Variants in CEP128 observed in about 807,000 individuals in gnomAD.
CEP128 encodes centrosomal protein 128kDa.
CEP128 carries 132 observed loss-of-function variants against 156.7 expected under a neutral mutation model. That is an observed-to-expected ratio of 0.84 (90% CI 0.73 to 0.97). The LOEUF (loss-of-function observed/expected upper bound fraction) is 0.97, where lower values mean the gene tolerates loss of function less well. CEP128 is among the 50% of genes least tolerant of loss of function. The pLI is 0.00. For synonymous variants in CEP128, 469 were observed against 448.9 expected (o/e 1.04, Z -0.57); for missense variants, 1,252 against 1,281.9 (o/e 0.98, Z 0.36).
rs1277559037 is a variant in CEP128 at position 80,906,092 on chromosome 14, G to A, written c.235-11C>T. Reference sequence around the variant, plus strand: ...CAAGCTTTCTTTTAACTAATTTAAAGAATATAATGAATGAAGCGTTATTCT... The same window carrying A: ...CAAGCTTTCTTTTAACTAATTTAAAAAATATAATGAATGAAGCGTTATTCT... On this transcript the variant is annotated splice_polypyrimidine_tract_variant and intron_variant, in intron 4 of 24. Coordinates refer to ENST00000555265, the MANE Select transcript of CEP128 (RefSeq NM_152446.5). 6.4e-7 allele frequency: 1 copy of A among 1,564,742 alleles called. No individual in the cohort carries two copies.
chr14:80,800,953 C>T (rs1883806480), intron 13 of CEP128, among the ~76,000 whole-genome samples: 1 of 152,054 alleles, frequency 6.6e-6, no homozygotes, highest in Non-Finnish European at 1.5e-5. Flanking sequence ...AGAAGGCAAA[C>T]TAAAATGTGA....
intron 8 of CEP128, among the ~76,000 whole-genome samples, chr14:80,890,449 T>TA (rs1272052541): frequency 2.0e-5 from 3 of 152,020 alleles, no homozygotes; most frequent in South Asian, 2.1e-4. Context: ...TCCAGTCATT[T>TA]AAAAAAATGA....
chr14:80,512,116 T>A (rs1430319656), intron 23 of CEP128, among the ~76,000 whole-genome samples: 2 of 152,076 alleles, frequency 1.3e-5, no homozygotes, highest in Non-Finnish European at 1.5e-5. Context: ...TTAAGTCTTA[T>A]GCTTCTTTGT....
intron 6 of CEP128, among the ~76,000 whole-genome samples, chr14:80,901,924 C>T (rs2139428250): frequency 6.6e-6 from 1 of 152,298 alleles, no homozygotes; most frequent in African/African-American, 2.4e-5. Context: ...TGTTACACGG[C>T]TCTACATAAT....
chr14:80,891,922 T>C (rs1181827482), intron 8 of CEP128, among the ~76,000 whole-genome samples: 1 of 151,218 alleles, frequency 6.6e-6, no homozygotes, highest in Non-Finnish European at 1.5e-5. Context: ...GACAAAATAA[T>C]GAAAAAATAA....
intron 13 of CEP128, among the ~76,000 whole-genome samples, chr14:80,814,106 A>G (rs1884712315): frequency 6.6e-6 from 1 of 152,176 alleles, no homozygotes; most frequent in Non-Finnish European, 1.5e-5. Flanking sequence ...GATTCTGCAC[A>G]TTCAAGATGG....
chr14:80,861,482 G>A (rs758225955), intron 9 of CEP128, among the ~76,000 whole-genome samples: 3 of 152,008 alleles, frequency 2.0e-5, no homozygotes, highest in African/African-American at 4.8e-5. Context: ...GATACTATGG[G>A]AAGGACATAA....
intron 19 of CEP128, among the ~76,000 whole-genome samples, chr14:80,625,270 T>G (rs987423066): frequency 6.6e-6 from 1 of 152,190 alleles, no homozygotes; most frequent in Non-Finnish European, 1.5e-5. Flanking sequence ...AATGTGTGAA[T>G]TCATTTCCGG....
At position 80,708,023 on chromosome 14, in the gene CEP128, G is replaced by A. The variant is rs143662514; in HGVS notation, c.2806+35052C>T. ...TTTATCTCATATTATGGTATATCCT[G>A]TAGATTAATGTGCCATTTGATGTAG... On this transcript the variant is annotated intron_variant, in intron 19 of 24. Transcript: ENST00000555265. 4.4e-3 allele frequency among the ~76,000 whole-genome samples: 666 copies of A among 152,230 alleles called. 4 individuals are homozygous for A. The highest frequency in any genetic ancestry group is 0.015 in the African/African-American group (631 of 41,546).
At chr14:80,739,777 C>T (rs184053437) in intron 19 of CEP128, among the ~76,000 whole-genome samples, 13 of 151,942 alleles carry the variant, frequency 8.6e-5, no homozygotes, top group East Asian at 1.9e-4. Context: ...TAGAGGATAC[C>T]GTCACGAAAT....
At chr14:80,900,701 T>C (rs896832495) in intron 6 of CEP128, among the ~76,000 whole-genome samples, 2 of 152,118 alleles carry the variant, frequency 1.3e-5, no homozygotes, top group Non-Finnish European at 2.9e-5. Flanking sequence ...AAAACAATCA[T>C]AGATACCTAC....
chr14:80,817,005 G>C (rs12589266), intron 13 of CEP128, among the ~76,000 whole-genome samples: 14,793 of 149,248 alleles, frequency 0.099, 1,226 homozygotes, highest in East Asian at 0.43. Context: ...CAGTGAATTA[G>C]CAGAGGCTAA....
intron 19 of CEP128, among the ~76,000 whole-genome samples, chr14:80,684,227 A>G (rs1301916932): frequency 6.6e-6 from 1 of 152,142 alleles, no homozygotes; most frequent in African/African-American, 2.4e-5. Flanking sequence ...AAAATAGAAG[A>G]TGCAAATAAG....
intron 11 of CEP128, among the ~76,000 whole-genome samples, chr14:80,836,552 T>C (rs1886087287): frequency 1.3e-5 from 2 of 152,026 alleles, no homozygotes; most frequent in Middle Eastern, 6.8e-3. Flanking sequence ...AAGAATGGAA[T>C]GTGACTAGAT....
At chr14:80,784,282 G>GAA (rs34067954) in intron 15 of CEP128, among the ~76,000 whole-genome samples, 1 of 137,360 alleles carries the variant, frequency 7.3e-6, no homozygotes, top group African/African-American at 2.7e-5. Flanking sequence ...CACGTGTTAT[G>GAA]AAAAAAAAAA....
chr14:80,775,216 T>C (rs1900725808), intron 16 of CEP128, among the ~76,000 whole-genome samples: 1 of 152,208 alleles, frequency 6.6e-6, no homozygotes, highest in African/African-American at 2.4e-5. Flanking sequence ...ACTGAGGCTT[T>C]GAGTTTTAAA....
intron 2 of CEP128, among the ~76,000 whole-genome samples, chr14:80,926,207 A>G (rs1184987847): frequency 6.6e-6 from 1 of 152,122 alleles, no homozygotes; most frequent in Non-Finnish European, 1.5e-5. Flanking sequence ...TCATGGGCTG[A>G]CCAGGAGGGG....
Position 80,559,262 on chromosome 14 carries a change from A to G in CEP128, c.2880+17T>C. The G allele has an allele frequency of 6.2e-7, 1 of 1,603,666 alleles. No homozygotes were observed. Among genetic ancestry groups the G allele is most frequent in the Admixed American group, 1.7e-5 (1 of 58,742 alleles). On this transcript the variant is annotated intron_variant, in intron 21 of 24. Transcript: ENST00000555265. ...CAGTAATTCTGATAAAAGGAGAAAG[A>G]AAATGCCCCAACTTACCGTTTCTAA... is the stretch of plus-strand genomic sequence containing the variant.
intron 19 of CEP128, among the ~76,000 whole-genome samples, chr14:80,625,469 A>AT (rs949067623): frequency 1.3e-5 from 2 of 151,410 alleles, no homozygotes; most frequent in Admixed American, 6.6e-5. Context: ...GAATTTCAGG[A>AT]TTTTTTTTCT....
Sources: allele counts gnomAD v4.1 joint callset (sites outside exome capture counted in the v4.1 genomes callset), GRCh38; gene constraint gnomAD v4.1.1; transcripts MANE v1.5; gene names NCBI Gene and HGNC (gene_info 2026-07-23, HGNC 2026-07-21).